GNA14: variants seen among roughly 807,000 people sequenced by gnomAD.
GNA14 encodes guanine nucleotide-binding protein subunit alpha-14.
GNA14 carries 50 observed loss-of-function variants against 42.0 expected under a neutral mutation model. The observed-to-expected ratio is 1.19, with a 90% confidence interval of 0.95 to 1.51. The LOEUF (loss-of-function observed/expected upper bound fraction) is 1.51. GNA14 is among the 40% of genes most tolerant of loss of function. GNA14 has a pLI of 0.00. For missense variants in GNA14, 473 were observed against 446.2 expected (o/e 1.06, Z -0.54); for synonymous variants, 173 against 163.1 (o/e 1.06, Z -0.46).
chr9:77,551,447 G>A lies in GNA14; in HGVS notation c.125-22194C>T, dbSNP rs148983747. On this transcript the variant is annotated intron_variant, in intron 1 of 6. Coordinates refer to ENST00000341700, the MANE Select transcript of GNA14 (RefSeq NM_004297.4). ...CACCATGAAGTACATCTTGCAGCAG[G>A]CACAAAACTAGTCAAGGGACTAGAA... Among the ~76,000 whole-genome samples the A allele has an allele frequency of 3.9e-5, 6 of 152,114 alleles. No individual in the cohort carries two copies. In the East Asian group the frequency reaches 1.2e-3, roughly 29 times the overall value.
chr9:77,441,618 T>C (rs1835737049), intron 2 of GNA14, among the ~76,000 whole-genome samples: 2 of 152,254 alleles, frequency 1.3e-5, no homozygotes, highest in Middle Eastern at 3.4e-3. Flanking sequence ...ATATGAGAAC[T>C]CTTTGTAGCA....
chr9:77,476,798 G>A (rs149813892), intron 2 of GNA14, among the ~76,000 whole-genome samples: 2 of 152,200 alleles, frequency 1.3e-5, no homozygotes, highest in African/African-American at 4.8e-5. Context: ...CTGAAACCTT[G>A]TATCTCTTGG....
chr9:77,578,107 C>A (rs917213844), intron 1 of GNA14, among the ~76,000 whole-genome samples: 5 of 151,952 alleles, frequency 3.3e-5, no homozygotes, highest in African/African-American at 1.2e-4. Flanking sequence ...AACTCCGTCT[C>A]TACTAAAAAA....
At chr9:77,450,273 T>A (rs1332216946) in intron 2 of GNA14, among the ~76,000 whole-genome samples, 2 of 152,108 alleles carry the variant, frequency 1.3e-5, no homozygotes, top group African/African-American at 4.8e-5. Context: ...CACACTTCTG[T>A]TCCCTGGGGC....
At chr9:77,568,052 G>C (rs950333673) in intron 1 of GNA14, among the ~76,000 whole-genome samples, 5 of 152,136 alleles carry the variant, frequency 3.3e-5, no homozygotes, top group Admixed American at 3.3e-4. Context: ...GAGGTGGGGT[G>C]GGTGGTAAGC....
chr9:77,481,373 T>C (rs939147812), intron 2 of GNA14, among the ~76,000 whole-genome samples: 1 of 152,258 alleles, frequency 6.6e-6, no homozygotes, highest in South Asian at 2.1e-4. Context: ...GTGAGTTTCT[T>C]AATCCTGAGT....
chr9:77,644,834 T>C (rs1226838397), intron 1 of GNA14, among the ~76,000 whole-genome samples: 1 of 152,250 alleles, frequency 6.6e-6, no homozygotes, highest in African/African-American at 2.4e-5. Flanking sequence ...TCATTTTCCC[T>C]TATTTAATAG....
chr9:77,530,307 C>T (rs28575399), intron 1 of GNA14, among the ~76,000 whole-genome samples: 2,527 of 152,256 alleles, frequency 0.017, 89 homozygotes, highest in African/African-American at 0.057. Context: ...CCCCTCCCTC[C>T]TCACTCTCTC....
intron 1 of GNA14, among the ~76,000 whole-genome samples, chr9:77,542,086 G>A (rs1418458752): frequency 1.3e-5 from 2 of 152,098 alleles, no homozygotes; most frequent in Non-Finnish European, 2.9e-5. Context: ...CTTTGGAGGT[G>A]TCCTATTACC....
chr9:77,531,304 G>A (rs970750293), intron 1 of GNA14, among the ~76,000 whole-genome samples: 2 of 152,152 alleles, frequency 1.3e-5, no homozygotes, highest in Non-Finnish European at 2.9e-5. Flanking sequence ...TCAGAAAAAC[G>A]AGACATGAAT....
intron 1 of GNA14, among the ~76,000 whole-genome samples, chr9:77,554,658 A>G (rs1224869028): frequency 3.3e-5 from 5 of 152,224 alleles, no homozygotes; most frequent in Non-Finnish European, 5.9e-5. Context: ...ATTCTCTGAC[A>G]AAGGTCTATG....
chr9:77,427,053 A>G (rs1309096740), intron 5 of GNA14, among the ~76,000 whole-genome samples: 1 of 152,222 alleles, frequency 6.6e-6, no homozygotes, highest in East Asian at 1.9e-4. Flanking sequence ...GAAATAAAAT[A>G]TATGAAAACT....
chr9:77,464,557 G>T (rs894771485), intron 2 of GNA14, among the ~76,000 whole-genome samples: 2 of 150,886 alleles, frequency 1.3e-5, no homozygotes, highest in African/African-American at 4.9e-5. Flanking sequence ...CATTTTTTTT[G>T]AGATACAATT....
intron 1 of GNA14, among the ~76,000 whole-genome samples, chr9:77,554,390 T>C (rs1822731623): frequency 6.6e-6 from 1 of 152,232 alleles, no homozygotes; most frequent in Non-Finnish European, 1.5e-5. Context: ...CTCTTGGTTA[T>C]GAGCATGTCA....
intron 2 of GNA14, among the ~76,000 whole-genome samples, chr9:77,484,644 T>C (rs1257397023): frequency 6.6e-6 from 1 of 152,200 alleles, no homozygotes; most frequent in African/African-American, 2.4e-5. Context: ...CCTTTATCCA[T>C]GGAGGGTATA....
chr9:77,488,784 T>TAAAAAAAA (rs67416479), intron 2 of GNA14, among the ~76,000 whole-genome samples: 165 of 53,656 alleles, frequency 3.1e-3, no homozygotes, highest in Middle Eastern at 0.019. Context: ...CACACCTAAT[T>TAAAAAAAA]AAAAAAAAAA....
At chr9:77,533,483 C>A (rs1343223937) in intron 1 of GNA14, among the ~76,000 whole-genome samples, 1 of 152,182 alleles carries the variant, frequency 6.6e-6, no homozygotes, top group African/African-American at 2.4e-5. Context: ...GCTGGCCTGG[C>A]GCCTGATATA....
intron 1 of GNA14, among the ~76,000 whole-genome samples, chr9:77,561,621 A>G (rs1170358979): frequency 6.6e-6 from 1 of 152,342 alleles, no homozygotes; most frequent in East Asian, 1.9e-4. Flanking sequence ...CAAATATTAT[A>G]TGAGGGGAAT....
At chr9:77,504,118 G>A (rs530441493) in intron 2 of GNA14, among the ~76,000 whole-genome samples, 9 of 152,200 alleles carry the variant, frequency 5.9e-5, no homozygotes, top group East Asian at 1.9e-4. Context: ...AGGCTTTATC[G>A]CCTACTTTTG....
Sources: allele counts gnomAD v4.1 joint callset (sites outside exome capture counted in the v4.1 genomes callset), GRCh38; gene constraint gnomAD v4.1.1; transcripts MANE v1.5; gene names NCBI Gene and HGNC (gene_info 2026-07-23, HGNC 2026-07-21).